The following LRRC4C variants were observed in gnomAD, a reference collection of about 807,000 sequenced individuals.
The protein encoded by LRRC4C is leucine-rich repeat-containing protein 4C.
Under a neutral mutation model 33.6 loss-of-function variants are expected in LRRC4C, and 5 were observed. That is an observed-to-expected ratio of 0.15 (90% CI 0.08 to 0.31). LRRC4C has a LOEUF of 0.31. Ranked by LOEUF, LRRC4C falls within the 10% of genes least tolerant of loss-of-function variation. The pLI is 1.00. For synonymous variants in LRRC4C, 329 were observed against 302.0 expected (o/e 1.09, Z -0.93); for missense variants, 560 against 796.7 (o/e 0.70, Z 3.58).
intron 5 of LRRC4C, among the ~76,000 whole-genome samples, chr11:40,177,480 T>C (rs555813927): frequency 5.3e-5 from 8 of 152,190 alleles, no homozygotes; most frequent in Non-Finnish European, 1.2e-4. Context: ...CCTCACTATA[T>C]ACCTTCCAGT....
chr11:41,134,024 C>T (rs1943142901), intron 1 of LRRC4C, among the ~76,000 whole-genome samples: 1 of 152,102 alleles, frequency 6.6e-6, no homozygotes, highest in Non-Finnish European at 1.5e-5. Context: ...TTACTCAAGG[C>T]TTCTTGGGTT....
intron 3 of LRRC4C, among the ~76,000 whole-genome samples, chr11:40,628,992 G>A (rs1963226135): frequency 2.0e-5 from 3 of 152,112 alleles, no homozygotes; most frequent in Admixed American, 1.3e-4. Flanking sequence ...CTAAACAAAC[G>A]TTTGCCTATT....
chr11:40,736,952 G>C (rs982839518), intron 2 of LRRC4C, among the ~76,000 whole-genome samples: 2 of 149,432 alleles, frequency 1.3e-5, no homozygotes, highest in South Asian at 2.2e-4. Context: ...TAGGTTTCCT[G>C]TTCACTCTGA....
intron 1 of LRRC4C, among the ~76,000 whole-genome samples, chr11:41,038,536 T>C (rs1481911431): frequency 2.0e-5 from 3 of 152,186 alleles, no homozygotes; most frequent in Non-Finnish European, 4.4e-5. Context: ...TGCCTACTTC[T>C]AAGTCTGGCA....
intron 3 of LRRC4C, among the ~76,000 whole-genome samples, chr11:40,592,142 C>T (rs78985975): frequency 1.3e-5 from 2 of 152,162 alleles, no homozygotes; most frequent in Admixed American, 1.3e-4. Flanking sequence ...GAAAGCAGCC[C>T]TCCCCTTTTG....
intron 3 of LRRC4C, among the ~76,000 whole-genome samples, chr11:40,361,629 T>G (rs1469844753): frequency 1.3e-5 from 2 of 152,196 alleles, no homozygotes; most frequent in Non-Finnish European, 1.5e-5. Context: ...AAACATTCCA[T>G]GCTCATGGAT....
In LRRC4C at chr11:40,705,720, C is replaced by T. The variant is rs538687640; in HGVS notation, c.-406-57442G>A. On this transcript the variant is annotated intron_variant, in intron 2 of 6. Transcript: ENST00000528697. ...GATTTATAATCCTTTGGGTATATAC[C>T]ACGTAATGGGATCACTGGACAAATG... Among the ~76,000 whole-genome samples, 32 of 151,924 alleles carry T rather than the reference C, an allele frequency of 2.1e-4. No homozygotes were observed. In the South Asian group the frequency reaches 3.1e-3, roughly 15 times the overall value.
At chr11:40,518,084 C>T (rs547690277) in intron 3 of LRRC4C, among the ~76,000 whole-genome samples, 1 of 152,262 alleles carries the variant, frequency 6.6e-6, no homozygotes, top group South Asian at 2.1e-4. Context: ...TGGACCCCTT[C>T]CTTACACCTT....
intron 1 of LRRC4C, among the ~76,000 whole-genome samples, chr11:41,405,500 G>A (rs1954199320): frequency 1.3e-5 from 2 of 152,130 alleles, no homozygotes; most frequent in South Asian, 4.1e-4. Flanking sequence ...GGAAAAATAA[G>A]AACAAACAAG....
intron 1 of LRRC4C, among the ~76,000 whole-genome samples, chr11:40,941,793 G>A (rs1958158168): frequency 6.6e-6 from 1 of 152,072 alleles, no homozygotes. Flanking sequence ...AATAAATGAA[G>A]TAAGGCAATA....
intron 1 of LRRC4C, among the ~76,000 whole-genome samples, chr11:41,290,370 A>T (rs1301060995): frequency 6.6e-6 from 1 of 152,216 alleles, no homozygotes; most frequent in Non-Finnish European, 1.5e-5. Context: ...GTAGAAGAAT[A>T]AGTGATAATG....
At chr11:40,406,701 CA>C (rs1293135838) in intron 3 of LRRC4C, among the ~76,000 whole-genome samples, 1 of 152,058 alleles carries the variant, frequency 6.6e-6, no homozygotes, top group Non-Finnish European at 1.5e-5. Context: ...CACAATACAA[CA>C]ATTTTTTTTC....
At chr11:40,432,024 T>G (rs1490747179) in intron 3 of LRRC4C, among the ~76,000 whole-genome samples, 12 of 152,192 alleles carry the variant, frequency 7.9e-5, no homozygotes, top group Non-Finnish European at 1.6e-4. Context: ...AGACTGGTGT[T>G]TGAGCACAGG....
intron 3 of LRRC4C, among the ~76,000 whole-genome samples, chr11:40,523,895 A>C (rs1053417225): frequency 6.6e-6 from 1 of 152,184 alleles, no homozygotes; most frequent in Non-Finnish European, 1.5e-5. Context: ...TTTAGGAATC[A>C]AAATCCCTGA....
At chr11:40,750,331 G>A (rs1196677337) in intron 2 of LRRC4C, among the ~76,000 whole-genome samples, 1 of 151,962 alleles carries the variant, frequency 6.6e-6, no homozygotes, top group Admixed American at 6.6e-5. Flanking sequence ...TGAAGAGGAG[G>A]GAATTCTCCC....
intron 6 of LRRC4C, among the ~76,000 whole-genome samples, chr11:40,129,454 G>C (rs1856494939): frequency 6.6e-6 from 1 of 151,932 alleles, no homozygotes; most frequent in African/African-American, 2.4e-5. Context: ...TTTTATGTTT[G>C]ACCAAACAAT....
At chr11:41,096,689 G>T (rs1293364775) in intron 1 of LRRC4C, among the ~76,000 whole-genome samples, 1 of 152,108 alleles carries the variant, frequency 6.6e-6, no homozygotes, top group East Asian at 1.9e-4. Context: ...CCTGTTTGCT[G>T]CCCTGAAATA....
intron 1 of LRRC4C, among the ~76,000 whole-genome samples, chr11:41,404,602 C>T (rs1017509377): frequency 2.0e-4 from 30 of 151,208 alleles, no homozygotes; most frequent in African/African-American, 7.1e-4. Flanking sequence ...CTTGTTATGA[C>T]GATGTGTTTG....
At chr11:40,424,605 A>G (rs1255015830) in intron 3 of LRRC4C, among the ~76,000 whole-genome samples, 1 of 152,252 alleles carries the variant, frequency 6.6e-6, no homozygotes, top group African/African-American at 2.4e-5. Flanking sequence ...CATCAAGAAA[A>G]GACCAGCTAA....
Sources: allele counts gnomAD v4.1 joint callset (sites outside exome capture counted in the v4.1 genomes callset), GRCh38; gene constraint gnomAD v4.1.1; transcripts MANE v1.5; gene names NCBI Gene and HGNC (gene_info 2026-07-23, HGNC 2026-07-21).